Variants in UBTD1 observed in about 807,000 individuals in gnomAD.
The protein encoded by UBTD1 is ubiquitin domain containing 1.
In UBTD1, 19 loss-of-function variants were observed where a neutral mutation model predicts 21.7. The observed-to-expected ratio is 0.87, with a 90% CI of 0.61 to 1.28. The LOEUF (loss-of-function observed/expected upper bound fraction) is 1.28. Among genes scored for constraint, UBTD1 ranks in the 50% most tolerant of loss-of-function variants. The pLI is 0.00. For synonymous variants in UBTD1, 116 were observed against 135.1 expected, an observed-to-expected ratio of 0.86 and a Z score of 0.98; for missense variants, 282 against 315.1, an observed-to-expected ratio of 0.89 and a Z score of 0.80.
intron 1 of UBTD1, among the ~76,000 whole-genome samples, chr10:97,527,713 A>G (rs1431633255): frequency 1.3e-5 from 2 of 152,000 alleles, no homozygotes; most frequent in African/African-American, 4.8e-5. Flanking sequence ...ACCACCCTTA[A>G]TCCATTTAAC....
chr10:97,549,930 C>T (rs941644064), intron 1 of UBTD1, among the ~76,000 whole-genome samples: 5 of 152,380 alleles, frequency 3.3e-5, no homozygotes, highest in East Asian at 1.9e-4. Context: ...CCCCCCTCCC[C>T]GCCTGGGCTG....
At chr10:97,559,668 A>G (rs2040683724) in intron 1 of UBTD1, among the ~76,000 whole-genome samples, 1 of 152,186 alleles carries the variant, frequency 6.6e-6, no homozygotes, top group Non-Finnish European at 1.5e-5. Flanking sequence ...ATGTTTGACC[A>G]TAAGGTAAGA....
rs182829875 is a variant in UBTD1, at chr10:97,547,578, T to C, written c.71-20336T>C. Among the ~76,000 whole-genome samples the C allele has an allele frequency of 2.0e-3, 299 of 152,314 alleles. 4 individuals carry two copies. Among genetic ancestry groups the C allele is most frequent in the Non-Finnish European group, 2.6e-3 (177 of 68,028 alleles). On this transcript the variant is annotated intron_variant, in intron 1 of 2. Coordinates refer to ENST00000370664, the MANE Select transcript of UBTD1 (RefSeq NM_024954.5). ...CAGGAGTTTTCTTTTCTTTTCTTTT[T>C]TTTTGAAACAGAGTCTTGCTCTGTT...
chr10:97,507,445 C>G (rs1244214487), intron 1 of UBTD1, among the ~76,000 whole-genome samples: 1 of 150,418 alleles, frequency 6.6e-6, no homozygotes, highest in African/African-American at 2.5e-5. Context: ...AAGAAAAACC[C>G]GGGCCACATA....
At chr10:97,516,043 C>A (rs1438633168) in intron 1 of UBTD1, among the ~76,000 whole-genome samples, 1 of 152,194 alleles carries the variant, frequency 6.6e-6, no homozygotes, top group East Asian at 1.9e-4. Context: ...AAGAAGTGAC[C>A]CTCGGCAGAG....
At chr10:97,509,896 C>A (rs1057509642) in intron 1 of UBTD1, among the ~76,000 whole-genome samples, 1 of 151,914 alleles carries the variant, frequency 6.6e-6, no homozygotes, top group Non-Finnish European at 1.5e-5. Context: ...CGTGATCCAC[C>A]CACCTCAGCC....
In UBTD1 at chr10:97,499,180, A is replaced by G. The variant is rs2040295638; in HGVS notation, c.-24A>G. 2 of 1,528,928 alleles carry G rather than the reference A, an allele frequency of 1.3e-6. No homozygotes were observed. Among genetic ancestry groups the G allele is most frequent in the Non-Finnish European group, 1.8e-6 (2 of 1,136,788 alleles). The allele number at this position is 1,528,928 out of a possible 1,614,324, so 94.7% of individuals were successfully genotyped here. On this transcript the variant is annotated 5_prime_UTR_variant, in exon 1 of 3. An upstream start codon of the reference 5' UTR is lost. Coordinates refer to ENST00000370664, the MANE Select transcript of UBTD1 (RefSeq NM_024954.5). Reference sequence around the variant, plus strand: ...CCGACCACCCCGCCGCCTCCGGTGCATGGGGACTGGCTGAGGAGCCAGCAT... The same window carrying G: ...CCGACCACCCCGCCGCCTCCGGTGCGTGGGGACTGGCTGAGGAGCCAGCAT...
intron 1 of UBTD1, among the ~76,000 whole-genome samples, chr10:97,505,407 A>C (rs1461541394): frequency 6.6e-6 from 1 of 152,158 alleles, no homozygotes; most frequent in Admixed American, 6.5e-5. Flanking sequence ...AAAGGAGAGG[A>C]GGTCTAGTCT....
rs113236509 is a variant in UBTD1, at chr10:97,530,200, T to TTGAATGAATGAA, written c.70+30942_70+30953dup. Among the ~76,000 whole-genome samples, 597 of 151,362 alleles carry TTGAATGAATGAA rather than the reference T, an allele frequency of 3.9e-3. 2 individuals carry two copies. Among genetic ancestry groups the TTGAATGAATGAA allele is most frequent in the Admixed American group, 9.1e-3 (139 of 15,192 alleles). On this transcript the variant is annotated intron_variant, in intron 1 of 2. Transcript: ENST00000370664. ...ATACTAGAAGCTCAATACATGTTTC[T>TTGAATGAATGAA]TGAATGAATGAATGAATGAATGAAT...
intron 1 of UBTD1, among the ~76,000 whole-genome samples, chr10:97,516,699 C>T (rs1454808054): frequency 2.6e-5 from 4 of 152,024 alleles, no homozygotes; most frequent in Admixed American, 6.5e-5. Flanking sequence ...GGCCTGAACC[C>T]GGGAGGCAGA....
At chr10:97,521,515 C>T (rs1390642640) in intron 1 of UBTD1, among the ~76,000 whole-genome samples, 1 of 152,218 alleles carries the variant, frequency 6.6e-6, no homozygotes, top group Non-Finnish European at 1.5e-5. Flanking sequence ...CGCTGCAGAG[C>T]CTTCCACGAC....
intron 1 of UBTD1, among the ~76,000 whole-genome samples, chr10:97,528,767 G>A (rs1371353675): frequency 8.0e-6 from 1 of 124,718 alleles, no homozygotes; most frequent in Non-Finnish European, 1.7e-5. Flanking sequence ...GGCCGGGCGG[G>A]GGGCTGACTC....
intron 1 of UBTD1, among the ~76,000 whole-genome samples, chr10:97,499,498 AC>A (rs1274785924): frequency 6.6e-6 from 1 of 151,936 alleles, no homozygotes; most frequent in African/African-American, 2.4e-5. Flanking sequence ...ACTCTCTCCA[AC>A]TGGGTAGCTC....
At chr10:97,536,960 C>T (rs998318093) in intron 1 of UBTD1, among the ~76,000 whole-genome samples, 57 of 151,964 alleles carry the variant, frequency 3.8e-4, no homozygotes, top group African/African-American at 1.2e-3. Flanking sequence ...GGCTGACCTT[C>T]GGAGAGGTAC....
chr10:97,567,859 G>A, intron 1 of UBTD1, 55 bp from the exon 2 acceptor site: 1 of 1,571,892 alleles, frequency 6.4e-7, no homozygotes, highest in South Asian at 1.1e-5. Flanking sequence ...GGGGAGGGCA[G>A]GTTGCAGCTC....
At chr10:97,562,760 G>A (rs1445900751) in intron 1 of UBTD1, among the ~76,000 whole-genome samples, 1 of 152,168 alleles carries the variant, frequency 6.6e-6, no homozygotes, top group Non-Finnish European at 1.5e-5. Context: ...CACTTCTTTT[G>A]TAGATCTTCA....
In UBTD1 at chr10:97,567,998, A is replaced by T; in HGVS notation, c.155A>T (p.Asp52Val). The T allele has an allele frequency of 6.2e-7, 1 of 1,614,084 alleles. No individual in the cohort carries two copies. Among genetic ancestry groups the T allele is most frequent in the Non-Finnish European group, 8.5e-7 (1 of 1,180,038 alleles). ...GACGGGCAGCTGCGGAGCAAACGGGATGAGTTCTGGGACACAGCGCCTGCC... is the reference window on the plus strand; with the variant it reads ...GACGGGCAGCTGCGGAGCAAACGGGTTGAGTTCTGGGACACAGCGCCTGCC... ...MTDGQLRSKR[D>V]EFWDTAPAFE... Residue 52 changes from aspartate to valine, a missense_variant, in exon 2 of 3, where the codon GAT becomes GTT. Physicochemically the swap from Asp to Val is radical, Grantham distance 152 (BLOSUM62 -3). Coordinates refer to ENST00000370664, the MANE Select transcript of UBTD1 (RefSeq NM_024954.5).
intron 1 of UBTD1, among the ~76,000 whole-genome samples, chr10:97,540,339 C>G (rs2040581893): frequency 6.6e-6 from 1 of 152,200 alleles, no homozygotes; most frequent in Non-Finnish European, 1.5e-5. Context: ...CGGCTAGACT[C>G]CCACCTACGT....
intron 1 of UBTD1, among the ~76,000 whole-genome samples, chr10:97,555,682 C>T (rs541703118): frequency 2.2e-4 from 34 of 152,066 alleles, no homozygotes; most frequent in East Asian, 9.7e-4. Flanking sequence ...CTGCATGCAC[C>T]GGTGGTCAGA....
Sources: allele counts gnomAD v4.1 joint callset (sites outside exome capture counted in the v4.1 genomes callset), GRCh38; gene constraint gnomAD v4.1.1; transcripts MANE v1.5; gene names NCBI Gene and HGNC (gene_info 2026-07-23, HGNC 2026-07-21).